Variants in SIN3A observed in about 807,000 individuals in gnomAD.
SIN3A encodes SIN3 transcription regulator family member A.
A neutral mutation model predicts 146.1 loss-of-function variants in SIN3A; 14 were observed. The ratio of observed to expected loss-of-function variants is 0.10; its 90% confidence interval spans 0.06 to 0.15. The LOEUF is 0.15. SIN3A is among the 10% of genes least tolerant of loss of function. The pLI, the probability that SIN3A is intolerant of heterozygous loss-of-function variation, is 1.00. For missense variants in SIN3A, 1,028 were observed against 1,576.0 expected (o/e 0.65, Z 5.89); for synonymous variants, 572 against 572.0 (o/e 1.00, Z 0.00).
chr15:75,395,641 TA>T (rs2073287749), intron 13 of SIN3A, among the ~76,000 whole-genome samples: 1 of 152,126 alleles, frequency 6.6e-6, no homozygotes, highest in African/African-American at 2.4e-5. Flanking sequence ...CTTGTGCCTG[TA>T]ATGCCAGCAC....
At position 75,381,627 on chromosome 15, in the gene SIN3A, G is replaced by C; in HGVS notation, c.3274C>G (p.Pro1092Ala). 1.9e-6 allele frequency: 3 copies of C among 1,613,350 alleles called. No homozygotes were observed. The highest frequency in any genetic ancestry group is 3.3e-5 in the Admixed American group (2 of 59,960). The change falls in exon 18 of 21, where the codon CCT becomes GCT. Residue 1092 changes from proline (P) to alanine (A), a missense_variant. This residue lies in a region of SIN3A where 488 missense variants were observed against 690.2 expected (regional missense o/e 0.71). Coordinates refer to ENST00000394947, the MANE Select transcript of SIN3A (RefSeq NM_001145358.2). ...LDTEEENSDD[P>A]VEAERWSDYV... ...CTTGCTCATACCTCTGCTTCCACAG[G>C]GTCATCCGAATTCTCCTCTTCTGTG...
chr15:75,392,172 C>G lies in SIN3A; in HGVS notation c.2851+70G>C. On this transcript the variant is annotated intron_variant, in intron 15 of 20. Coordinates refer to ENST00000394947, the MANE Select transcript of SIN3A (RefSeq NM_001145358.2). ...GTGCTCTATTAATAAAAGAAGCAGT[C>G]CCAAGTCTAGGTGGCTCTAAGGTCC... The G allele has an allele frequency of 2.2e-6, 3 of 1,375,108 alleles. No individual in the cohort carries two copies. The South Asian group carries it at 4.0e-5, about 18-fold the overall frequency. The allele number at this position is 1,375,108 out of a possible 1,614,324, so 85.2% of individuals were successfully genotyped here.
intron 20 of SIN3A, among the ~76,000 whole-genome samples, chr15:75,373,948 A>G (rs1226101400): frequency 2.6e-5 from 4 of 152,200 alleles, no homozygotes; most frequent in African/African-American, 9.7e-5. Context: ...TAAAGGGTTA[A>G]TTATACATTA....
chr15:75,442,846 C>G (rs1010968330), intron 1 of SIN3A, among the ~76,000 whole-genome samples: 2 of 151,124 alleles, frequency 1.3e-5, no homozygotes, highest in Non-Finnish European at 2.9e-5. Context: ...GCAGGAGAAT[C>G]CCTTGAACCC....
intron 19 of SIN3A, among the ~76,000 whole-genome samples, chr15:75,380,112 A>G (rs1028270521): frequency 1.3e-5 from 2 of 152,220 alleles, no homozygotes; most frequent in Non-Finnish European, 2.9e-5. Context: ...CTACATCTCA[A>G]TAAAAATCCT....
In SIN3A at chr15:75,392,489, A is replaced by G. The variant is rs144185274; in HGVS notation, c.2604T>C (p.Phe868=). 1.1e-5 allele frequency: 17 copies of G among 1,614,054 alleles called. No individual in the cohort carries two copies. The highest frequency in any genetic ancestry group is 2.2e-5 in the East Asian group (1 of 44,894). The change falls in exon 15 of 21, where the codon TTT becomes TTC. Residue 868 remains phenylalanine (F), a synonymous_variant. Coordinates refer to ENST00000394947, the MANE Select transcript of SIN3A (RefSeq NM_001145358.2). The part of the protein sequence containing the change: ...GGSPPKSKLL[F]SNTAAQKLRG... ...TTAATTTTTGAGCTGCTGTGTTACT[A>G]AACAGTAACTTGGACTTAGGGGGAC...
At chr15:75,408,308 T>C (rs1399099432) in intron 8 of SIN3A, among the ~76,000 whole-genome samples, 1 of 152,262 alleles carries the variant, frequency 6.6e-6, no homozygotes. Context: ...ACCATTATTA[T>C]GTTCAACTTG....
intron 2 of SIN3A, 51 bp from the exon 3 acceptor site, chr15:75,422,874 C>A (rs1466360874): frequency 6.5e-7 from 1 of 1,545,980 alleles, no homozygotes; most frequent in Non-Finnish European, 8.8e-7. Flanking sequence ...TACATTCTTC[C>A]CCAAATGAGT....
At chr15:75,446,097 A>C (rs1478631977) in intron 1 of SIN3A, 3 of 152,112 alleles carry the variant, frequency 2.0e-5, no homozygotes, top group Admixed American at 6.5e-5. Context: ...TTCCCTCAAG[A>C]AGCTTATATT....
chr15:75,449,873 G>A (rs1283864307), intron 1 of SIN3A, among the ~76,000 whole-genome samples: 2 of 152,092 alleles, frequency 1.3e-5, no homozygotes, highest in African/African-American at 4.8e-5. Flanking sequence ...CTCGCCTCCC[G>A]GGTTCAAGTG....
intron 3 of SIN3A, among the ~76,000 whole-genome samples, chr15:75,414,865 T>C (rs1303317526): frequency 6.6e-6 from 1 of 151,762 alleles, no homozygotes; most frequent in East Asian, 1.9e-4. Flanking sequence ...GTGAAGAAAA[T>C]CAAAAGCGGC....
intron 1 of SIN3A, among the ~76,000 whole-genome samples, chr15:75,441,508 G>A (rs964825051): frequency 3.4e-4 from 51 of 152,032 alleles, no homozygotes; most frequent in African/African-American, 1.1e-3. Flanking sequence ...TGCACAGGCC[G>A]GTCTTGAACT....
chr15:75,378,906 A>ATATT (rs990257413), intron 19 of SIN3A, among the ~76,000 whole-genome samples: 1 of 149,694 alleles, frequency 6.7e-6, no homozygotes, highest in Non-Finnish European at 1.5e-5. Flanking sequence ...ATATATATAT[A>ATATT]TATTTTATTT....
At chr15:75,383,388 A>G (rs1026763724) in intron 17 of SIN3A, among the ~76,000 whole-genome samples, 3 of 152,068 alleles carry the variant, frequency 2.0e-5, no homozygotes, top group Non-Finnish European at 4.4e-5. Context: ...TAATTTCAGG[A>G]AAGAATTCTA....
chr15:75,438,597 G>A (rs905429403), intron 1 of SIN3A, among the ~76,000 whole-genome samples: 2 of 152,010 alleles, frequency 1.3e-5, no homozygotes, highest in African/African-American at 2.4e-5. Context: ...GCTGAGGTGG[G>A]AGGATCATTT....
intron 1 of SIN3A, among the ~76,000 whole-genome samples, chr15:75,436,683 TC>T (rs1223734171): frequency 6.6e-6 from 1 of 152,020 alleles, no homozygotes; most frequent in East Asian, 1.9e-4. Flanking sequence ...TTACTAAAAT[TC>T]TATCAACTTT....
chr15:75,400,904 A>G lies in SIN3A; in HGVS notation c.1563T>C (p.Phe521=). The change falls in exon 11 of 21, where the codon TTT becomes TTC. Residue 521 remains phenylalanine (F), a synonymous_variant. Coordinates refer to ENST00000394947, the MANE Select transcript of SIN3A (RefSeq NM_001145358.2). ...FPELFNWFKN[F]LGYKESVHLE... ...GATGTACAGACTCCTTATAGCCCAG[A>G]AAGTTTTTAAACCAATTAAACAACT... 1 of 1,613,964 alleles carries G rather than the reference A, an allele frequency of 6.2e-7. No individual in the cohort carries two copies. The highest frequency in any genetic ancestry group is 8.5e-7 in the Non-Finnish European group (1 of 1,180,020).
In SIN3A at chr15:75,416,055, T is replaced by C. The variant is rs1297634986; in HGVS notation, c.367-1744A>G. ...ATTTTTGGTAACTGTGTACTTCTGG[T>C]GACTGTAAAGTTTGAACTATAAAGT... On this transcript the variant is annotated intron_variant, in intron 3 of 20. Coordinates refer to ENST00000394947, the MANE Select transcript of SIN3A (RefSeq NM_001145358.2). 1.4e-5 allele frequency: 4 copies of C among 283,328 alleles called. No homozygotes were observed. In the Admixed American group the frequency reaches 1.5e-4, roughly 10 times the overall value. The allele number at this position is 283,328 out of a possible 1,614,324, so 17.6% of individuals were successfully genotyped here.
chr15:75,385,990 C>T (rs1355086525), intron 16 of SIN3A, among the ~76,000 whole-genome samples: 5 of 152,214 alleles, frequency 3.3e-5, no homozygotes, highest in Admixed American at 3.3e-4. Flanking sequence ...AGATGGAAAG[C>T]ATGACTTCAA....
Sources: gnomAD v4.1 joint callset for allele counts (sites outside exome capture counted in the v4.1 genomes callset) on GRCh38, gnomAD v4.1.1 for gene constraint, gnomAD v4.1.1 regional missense constraint, MANE v1.5 for transcripts, NCBI Gene and HGNC (gene_info 2026-07-23, HGNC 2026-07-21) for gene names.